The following DPYSL3 variants were observed in gnomAD, a reference collection of about 807,000 sequenced individuals.
DPYSL3 encodes dihydropyrimidinase-related protein 3.
A neutral mutation model predicts 66.1 loss-of-function variants in DPYSL3; 16 were observed. That is an observed-to-expected ratio of 0.24 (90% CI 0.16 to 0.37). The LOEUF (loss-of-function observed/expected upper bound fraction) is 0.37, where lower values mean the gene tolerates loss of function less well. Among genes scored for constraint, DPYSL3 ranks in the 10% least tolerant of loss-of-function variants. DPYSL3 has a pLI of 1.00. For synonymous variants in DPYSL3, 338 were observed against 345.1 expected (o/e 0.98, Z 0.23); for missense variants, 738 against 916.2 (o/e 0.81, Z 2.51).
intron 1 of DPYSL3, among the ~76,000 whole-genome samples, chr5:147,464,263 T>C (rs534346879): frequency 6.6e-6 from 1 of 152,146 alleles, no homozygotes; most frequent in Non-Finnish European, 1.5e-5. Context: ...GAAGAATACA[T>C]GAATGCAAGA....
chr5:147,509,988 A>C lies in DPYSL3; in HGVS notation c.-130T>G. 1 of 1,367,872 alleles carries C rather than the reference A, an allele frequency of 7.3e-7. No individual in the cohort carries two copies. Among genetic ancestry groups the C allele is most frequent in the Non-Finnish European group, 9.6e-7 (1 of 1,042,044 alleles). The allele number at this position is 1,367,872 out of a possible 1,614,324, so 84.7% of individuals were successfully genotyped here. On this transcript the variant is annotated 5_prime_UTR_variant, in exon 1 of 14. Coordinates refer to ENST00000343218, the MANE Select transcript of DPYSL3 (RefSeq NM_001197294.2). This position sits in a 1 kb window ranked among gnomAD's most constrained non-coding sequence, Gnocchi z 5.3. ...CCTGAGCCTTCGCGCCAGAGGCGGC[A>C]GTGCTGCTCCGATTCCTGCTTGTCC... is the stretch of plus-strand genomic sequence containing the variant.
chr5:147,403,005 T>C (rs1758237410), intron 8 of DPYSL3, among the ~76,000 whole-genome samples: 1 of 152,150 alleles, frequency 6.6e-6, no homozygotes, highest in African/African-American at 2.4e-5. Context: ...CTCCACAAGT[T>C]TGCACTCTAT....
intron 1 of DPYSL3, among the ~76,000 whole-genome samples, chr5:147,429,017 C>A (rs1752256044): frequency 6.6e-6 from 1 of 152,162 alleles, no homozygotes; most frequent in Admixed American, 6.5e-5. Flanking sequence ...GGCCTCTTCA[C>A]CTTCTGTTCC....
At chr5:147,416,131 A>C (rs1751962974) in intron 3 of DPYSL3, among the ~76,000 whole-genome samples, 1 of 152,066 alleles carries the variant, frequency 6.6e-6, no homozygotes, top group Non-Finnish European at 1.5e-5. Context: ...GTGGGGTGGG[A>C]GTCAGGGTGT....
Position 147,402,371 on chromosome 5 carries a change from G to A in DPYSL3, c.1154-675C>T, listed in dbSNP as rs867768951. On this transcript the variant is annotated intron_variant, in intron 8 of 13. Coordinates refer to ENST00000343218, the MANE Select transcript of DPYSL3 (RefSeq NM_001197294.2). Reference sequence around the variant, plus strand: ...TTTTTTTTCTTTTTTTTTTTGAGACGGAGTCTCGCTCTGTCGCCCAGGCTG... The same window carrying A: ...TTTTTTTTCTTTTTTTTTTTGAGACAGAGTCTCGCTCTGTCGCCCAGGCTG... Among the ~76,000 whole-genome samples, 65 of 128,478 alleles carry A rather than the reference G, an allele frequency of 5.1e-4. 5 individuals are homozygous for A. Among genetic ancestry groups the A allele is most frequent in the African/African-American group, 2.5e-3 (57 of 23,204 alleles). The allele number at this position is 128,478 out of a possible 152,430, so 84.3% of individuals were successfully genotyped here.
chr5:147,489,607 AT>A lies in DPYSL3; in HGVS notation c.381+19870del, dbSNP rs1753385202. Among the ~76,000 whole-genome samples, 3 of 152,196 alleles carry A rather than the reference AT, an allele frequency of 2.0e-5. No individual in the cohort carries two copies. In the South Asian group the frequency reaches 6.2e-4, roughly 31 times the overall value. On this transcript the variant is annotated intron_variant, in intron 1 of 13. Coordinates refer to ENST00000343218, the MANE Select transcript of DPYSL3 (RefSeq NM_001197294.2). ...TGAGCACACACCCCTTGAACCTCAT[AT>A]TTGTGCCTCAAACTCAGAGAAATGT...
At chr5:147,491,879 G>A (rs948810749) in intron 1 of DPYSL3, among the ~76,000 whole-genome samples, 4 of 152,014 alleles carry the variant, frequency 2.6e-5, no homozygotes, top group African/African-American at 9.7e-5. Flanking sequence ...AGCAATATTT[G>A]AAGCAATAAT....
At position 147,405,813 on chromosome 5, in the gene DPYSL3, C is replaced by T. The variant is rs998330318; in HGVS notation, c.1033-83G>A. ...CCCACCTCCACGAACTGTGAGGATG[C>T]AGTGCTGCACAAAGGTTATGGATAA... On this transcript the variant is annotated intron_variant, in intron 7 of 13. Coordinates refer to ENST00000343218, the MANE Select transcript of DPYSL3 (RefSeq NM_001197294.2). 3 of 1,514,152 alleles carry T rather than the reference C, an allele frequency of 2.0e-6. No homozygotes were observed. In the East Asian group the frequency reaches 6.8e-5, roughly 34 times the overall value. The allele number at this position is 1,514,152 out of a possible 1,614,324, so 93.8% of individuals were successfully genotyped here.
chr5:147,452,655 G>T (rs1180510004), intron 1 of DPYSL3, among the ~76,000 whole-genome samples: 1 of 152,076 alleles, frequency 6.6e-6, no homozygotes, highest in African/African-American at 2.4e-5. Flanking sequence ...GTGAAGACGC[G>T]GCTTCTGTAC....
chr5:147,495,991 T>C, intron 1 of DPYSL3, among the ~76,000 whole-genome samples: 1 of 152,132 alleles, frequency 6.6e-6, no homozygotes, highest in Non-Finnish European at 1.5e-5. Flanking sequence ...CTACCTGACT[T>C]CAAACTATAC....
rs530181348 is a variant in DPYSL3 at position 147,482,474 on chromosome 5, A to C, written c.381+27004T>G. ...CACACCATCAGCTCAGATTGGCCAC[A>C]TAATGTGTGGAGCTCAGTGCCAATA... On this transcript the variant is annotated intron_variant, in intron 1 of 13. Coordinates refer to ENST00000343218, the MANE Select transcript of DPYSL3 (RefSeq NM_001197294.2). Among the ~76,000 whole-genome samples, 47 of 152,304 alleles carry C rather than the reference A, an allele frequency of 3.1e-4. No homozygotes were observed. In the South Asian group the frequency reaches 3.3e-3, roughly 11 times the overall value.
chr5:147,417,707 T>C (rs372187660), intron 3 of DPYSL3, among the ~76,000 whole-genome samples: 8 of 152,264 alleles, frequency 5.3e-5, no homozygotes, highest in African/African-American at 1.9e-4. Context: ...TCCAATGGCA[T>C]GCAACTCCCT....
chr5:147,468,121 A>G (rs1426473680), intron 1 of DPYSL3, among the ~76,000 whole-genome samples: 2 of 152,246 alleles, frequency 1.3e-5, no homozygotes, highest in African/African-American at 4.8e-5. Context: ...GTGATCCTTT[A>G]TAATGCATAA....
At position 147,396,989 on chromosome 5, in the gene DPYSL3, AT is replaced by A. The variant is rs1318014806; in HGVS notation, c.1803+676del. 4.5e-4 allele frequency among the ~76,000 whole-genome samples: 67 copies of A among 147,444 alleles called. 1 individual carries two copies. The highest frequency in any genetic ancestry group is 1.0e-4 in the Non-Finnish European group (7 of 67,220). On this transcript the variant is annotated intron_variant, in intron 12 of 13. Transcript: ENST00000343218. The stretch of plus-strand genomic sequence containing the variant: ...TTTTAATTATATTTATTGTATTGTT[AT>A]AATACAATACACAATACAATATAAA...
Position 147,442,618 on chromosome 5 carries a change from T to C in DPYSL3, c.382-17655A>G, listed in dbSNP as rs1752554594. On this transcript the variant is annotated intron_variant, in intron 1 of 13. Transcript: ENST00000343218. ...GACAATAAATCTGTCATTTCATTTT[T>C]GTTGTTAATGCAAAGATCTCGGAAA... 2.0e-5 allele frequency among the ~76,000 whole-genome samples: 3 copies of C among 152,318 alleles called. No homozygotes were observed. In the South Asian group the frequency reaches 6.2e-4, roughly 32 times the overall value.
chr5:147,396,918 C>T (rs920028635), intron 12 of DPYSL3, among the ~76,000 whole-genome samples: 28 of 146,378 alleles, frequency 1.9e-4, no homozygotes, highest in African/African-American at 6.5e-4. Flanking sequence ...ACAATAAATA[C>T]AATAAATATA....
rs367990883 is a variant in DPYSL3, at chr5:147,453,204, G to C, written c.382-28241C>G. 3.4e-3 allele frequency among the ~76,000 whole-genome samples: 523 copies of C among 152,316 alleles called. 2 individuals are homozygous for C. Among genetic ancestry groups the C allele is most frequent in the Middle Eastern group, 0.01 (3 of 294 alleles). On this transcript the variant is annotated intron_variant, in intron 1 of 13. Transcript: ENST00000343218. ...TAGACAAAAAGCACACCTCAACCTG[G>C]GGCGGCAAAAACCGACACTCCAGGC...
intron 1 of DPYSL3, among the ~76,000 whole-genome samples, chr5:147,448,739 C>T (rs1207932252): frequency 6.6e-6 from 1 of 152,196 alleles, no homozygotes; most frequent in Non-Finnish European, 1.5e-5. Context: ...GAATTCCTCC[C>T]AATGCCCAGC....
intron 1 of DPYSL3, among the ~76,000 whole-genome samples, chr5:147,441,211 A>T (rs949205823): frequency 1.3e-4 from 20 of 152,168 alleles, no homozygotes; most frequent in African/African-American, 4.8e-4. Flanking sequence ...ATAACAAAGT[A>T]CCACAGGCTG....
Sources: gnomAD v4.1 joint callset for allele counts (sites outside exome capture counted in the v4.1 genomes callset) on GRCh38, gnomAD v4.1.1 for gene constraint, Gnocchi (gnomAD v3.1) non-coding constraint, MANE v1.5 for transcripts, NCBI Gene and HGNC (gene_info 2026-07-23, HGNC 2026-07-21) for gene names.